Variants in PLD5 observed in about 807,000 individuals in gnomAD.
The protein encoded by PLD5 is phospholipase D family member 5, also known as inactive phospholipase D5.
Under a neutral mutation model 61.1 loss-of-function variants are expected in PLD5, and 36 were observed. The ratio of observed to expected loss-of-function variants is 0.59; its 90% CI spans 0.45 to 0.78. The LOEUF (loss-of-function observed/expected upper bound fraction) is 0.78, where lower values mean the gene tolerates loss of function less well. Ranked by LOEUF, PLD5 falls within the 30% of genes least tolerant of loss-of-function variation. The pLI is 0.00. For synonymous variants in PLD5, 243 were observed against 242.8 expected, an observed-to-expected ratio of 1.00 and a Z score of -0.01; for missense variants, 515 against 644.4, an observed-to-expected ratio of 0.80 and a Z score of 2.17.
At chr1:242,507,595 C>A (rs1011654368) in intron 1 of PLD5, among the ~76,000 whole-genome samples, 1 of 152,166 alleles carries the variant, frequency 6.6e-6, no homozygotes, top group South Asian at 2.1e-4. Flanking sequence ...ATCAATCGAC[C>A]AAATATCCTA....
intron 2 of PLD5, among the ~76,000 whole-genome samples, chr1:242,305,206 A>T (rs1158589623): frequency 6.6e-6 from 1 of 152,236 alleles, no homozygotes; most frequent in African/African-American, 2.4e-5. Context: ...TGCATAGGTT[A>T]AGAAACTTCA....
At chr1:242,269,862 C>T (rs1424625525) in intron 3 of PLD5, among the ~76,000 whole-genome samples, 3 of 152,134 alleles carry the variant, frequency 2.0e-5, no homozygotes, top group Non-Finnish European at 4.4e-5. Context: ...AAAAACTCTT[C>T]CTGCACTGCC....
intron 4 of PLD5, among the ~76,000 whole-genome samples, chr1:242,246,690 CTTG>C (rs1194039470): frequency 1.3e-5 from 2 of 152,082 alleles, no homozygotes; most frequent in African/African-American, 4.8e-5. Context: ...AGATTTTCCC[CTTG>C]TTGGTGGTGT....
At chr1:242,268,929 G>C (rs1186830162) in intron 3 of PLD5, among the ~76,000 whole-genome samples, 3 of 152,028 alleles carry the variant, frequency 2.0e-5, no homozygotes, top group Non-Finnish European at 4.4e-5. Flanking sequence ...TGCAACCTCT[G>C]CCTCCTGGGT....
rs1673986289 is a variant in PLD5 at position 242,270,384 on chromosome 1, CAG to C, written c.496-4938_496-4937del. Among the ~76,000 whole-genome samples the C allele has an allele frequency of 2.0e-5, 3 of 152,200 alleles. No homozygotes were observed. In the South Asian group the frequency reaches 6.2e-4, roughly 32 times the overall value. ...TCTCTTCATCTTACAAACGAGGACACAGAGGTACAAGAAACTGAGTGACATGC... is the reference window on the plus strand; with the variant it reads ...TCTCTTCATCTTACAAACGAGGACACAGGTACAAGAAACTGAGTGACATGC... On this transcript the variant is annotated intron_variant, in intron 3 of 9. Transcript: ENST00000536534.
intron 4 of PLD5, among the ~76,000 whole-genome samples, chr1:242,228,686 TAGGG>T (rs1173064725): frequency 8.0e-6 from 1 of 125,494 alleles, no homozygotes; most frequent in African/African-American, 3.1e-5. Flanking sequence ...GAGAGGAAGG[TAGGG>T]AGGGAGGGAA....
intron 1 of PLD5, among the ~76,000 whole-genome samples, chr1:242,435,261 G>A (rs1209212754): frequency 6.6e-6 from 1 of 152,126 alleles, no homozygotes; most frequent in Non-Finnish European, 1.5e-5. Flanking sequence ...CATGTGCAGA[G>A]TGGTGAAAAA....
rs112616798 is a variant in PLD5 at position 242,200,600 on chromosome 1, T to C, written c.735+19388A>G. 1.9e-3 allele frequency among the ~76,000 whole-genome samples: 293 copies of C among 151,600 alleles called. 3 individuals are homozygous for C. Among genetic ancestry groups the C allele is most frequent in the African/African-American group, 6.6e-3 (272 of 41,268 alleles). On this transcript the variant is annotated intron_variant, in intron 5 of 9. Coordinates refer to ENST00000536534, the MANE Select transcript of PLD5 (RefSeq NM_001372062.1). ...CATCTGTATCACTGATTCAGCCAATTATTAAGTACGAGAAACAGTGTGGCA... is the reference window on the plus strand; with the variant it reads ...CATCTGTATCACTGATTCAGCCAATCATTAAGTACGAGAAACAGTGTGGCA...
chr1:242,477,269 A>G (rs1330228932), intron 1 of PLD5, among the ~76,000 whole-genome samples: 1 of 151,952 alleles, frequency 6.6e-6, no homozygotes, highest in Non-Finnish European at 1.5e-5. Flanking sequence ...AAAAAAAAAT[A>G]GTAAGGGCCA....
At chr1:242,375,276 G>A (rs879344495) in intron 1 of PLD5, among the ~76,000 whole-genome samples, 14 of 152,260 alleles carry the variant, frequency 9.2e-5, no homozygotes, top group South Asian at 4.1e-4. Context: ...TCAGTCAGCC[G>A]TGCCGTCTGC....
At chr1:242,304,336 C>T (rs545341090) in intron 2 of PLD5, among the ~76,000 whole-genome samples, 14 of 152,334 alleles carry the variant, frequency 9.2e-5, no homozygotes, top group African/African-American at 2.6e-4. Flanking sequence ...ACAATTTTGG[C>T]TGCTATATTT....
intron 4 of PLD5, among the ~76,000 whole-genome samples, chr1:242,225,883 G>A (rs1164859364): frequency 1.3e-5 from 2 of 152,118 alleles, no homozygotes; most frequent in African/African-American, 2.4e-5. Context: ...ATTTCACTTG[G>A]GTAAATACCT....
intron 1 of PLD5, among the ~76,000 whole-genome samples, chr1:242,513,837 C>T (rs1057308960): frequency 1.2e-4 from 18 of 152,212 alleles, no homozygotes; most frequent in Non-Finnish European, 2.6e-4. Context: ...ATCCGTGGCA[C>T]TCAATAAACG....
Position 242,469,782 on chromosome 1 carries a change from A to C in PLD5, c.189+54306T>G, listed in dbSNP as rs142744332. Among the ~76,000 whole-genome samples, 1,325 of 152,258 alleles carry C rather than the reference A, an allele frequency of 8.7e-3. 25 individuals carry two copies. The highest frequency in any genetic ancestry group is 0.031 in the African/African-American group (1,278 of 41,538). ...CAGGGAACATGCACGAACCCCTGCC[A>C]GCATCCCCATCCAGCACTTAGAACT... is the stretch of plus-strand genomic sequence containing the variant. On this transcript the variant is annotated intron_variant, in intron 1 of 9. Coordinates refer to ENST00000536534, the MANE Select transcript of PLD5 (RefSeq NM_001372062.1).
chr1:242,239,713 A>G (rs961238591), intron 4 of PLD5, among the ~76,000 whole-genome samples: 4 of 152,190 alleles, frequency 2.6e-5, no homozygotes, highest in Non-Finnish European at 2.9e-5. Flanking sequence ...CCACCGCTTA[A>G]CCAACTTGTC....
chr1:242,194,566 A>ATATC (rs201221980), intron 5 of PLD5, among the ~76,000 whole-genome samples: 19,623 of 123,710 alleles, frequency 0.16, 1,882 homozygotes, highest in Middle Eastern at 0.19. Flanking sequence ...AGCTATCTCT[A>ATATC]TATCTATCTA....
chr1:242,321,602 GC>G (rs1487107420), intron 2 of PLD5, among the ~76,000 whole-genome samples: 1 of 152,032 alleles, frequency 6.6e-6, no homozygotes, highest in Non-Finnish European at 1.5e-5. Flanking sequence ...ACCACGCCCG[GC>G]CCCATCTATT....
At chr1:242,361,345 T>A (rs1661055148) in intron 1 of PLD5, among the ~76,000 whole-genome samples, 1 of 152,178 alleles carries the variant, frequency 6.6e-6, no homozygotes, top group Non-Finnish European at 1.5e-5. Flanking sequence ...TCATTTAATT[T>A]CCACCTCATC....
intron 9 of PLD5, among the ~76,000 whole-genome samples, chr1:242,097,785 C>T (rs946552337): frequency 2.0e-5 from 3 of 152,132 alleles, no homozygotes; most frequent in Non-Finnish European, 4.4e-5. Flanking sequence ...CATTTGTTGC[C>T]ATTGCTTTTG....
Sources: allele counts gnomAD v4.1 joint callset (sites outside exome capture counted in the v4.1 genomes callset), GRCh38; gene constraint gnomAD v4.1.1; transcripts MANE v1.5; gene names NCBI Gene and HGNC (gene_info 2026-07-23, HGNC 2026-07-21).